The following CLUAP1 variants were observed in gnomAD, a reference collection of about 807,000 sequenced individuals.
The protein encoded by CLUAP1 is intraflagellar transport 38, also known as clusterin-associated protein 1.
CLUAP1 carries 50 observed loss-of-function variants against 55.0 expected under a neutral mutation model. The observed-to-expected ratio is 0.91, with a 90% CI of 0.72 to 1.15. CLUAP1 has a LOEUF of 1.15. Ranked by LOEUF, CLUAP1 falls within the 50% of genes most tolerant of loss-of-function variation. The pLI, the probability that CLUAP1 is intolerant of heterozygous loss-of-function variation, is 0.00. For synonymous variants in CLUAP1, 195 were observed against 175.4 expected, an observed-to-expected ratio of 1.11 and a Z score of -0.88; for missense variants, 530 against 507.6, an observed-to-expected ratio of 1.04 and a Z score of -0.42.
Position 3,504,741 on chromosome 16 carries a change from C to A in CLUAP1, c.44C>A (p.Ala15Asp), listed in dbSNP as rs1237244334. The change falls in exon 2 of 12, where the codon GCC (alanine) becomes GAC (aspartate). Residue 15 changes from alanine (A) to aspartate (D), a missense_variant. Coordinates refer to ENST00000576634, the MANE Select transcript of CLUAP1 (RefSeq NM_015041.3). ...ACAGATTTCACAGAGATGATGAGAG[C>A]CCTGGGATACCCTCGACATATTTCT... Reference protein sequence around the residue: ...DLRNFTEMMRALGYPRHISME... With the variant: ...DLRNFTEMMRDLGYPRHISME... The A allele has an allele frequency of 6.2e-7, 1 of 1,608,492 alleles. No individual in the cohort carries two copies. The highest frequency in any genetic ancestry group is 1.7e-5 in the Admixed American group (1 of 60,022).
chr16:3,517,438 C>G (rs1388031909), intron 6 of CLUAP1, among the ~76,000 whole-genome samples: 1 of 152,080 alleles, frequency 6.6e-6, no homozygotes, highest in Non-Finnish European at 1.5e-5. Flanking sequence ...TCCCAAATAG[C>G]TGGAAGTACA....
chr16:3,501,621 A>G (rs2037404375), intron 1 of CLUAP1, among the ~76,000 whole-genome samples: 1 of 152,118 alleles, frequency 6.6e-6, no homozygotes, highest in South Asian at 2.1e-4. Context: ...CGTCTCTACT[A>G]AAATTACAAA....
At chr16:3,503,596 C>G (rs1385071540) in intron 1 of CLUAP1, among the ~76,000 whole-genome samples, 1 of 148,996 alleles carries the variant, frequency 6.7e-6, no homozygotes, top group Admixed American at 6.7e-5. Flanking sequence ...CGCGCCTGGC[C>G]TTTTTTGTTT....
In CLUAP1 at chr16:3,538,581, T is replaced by C. The variant is rs2038281439; in HGVS notation, c.*2310T>C. Reference sequence around the variant, plus strand: ...ATGTGATGCTTTCTTCTAACACACTTTAACACAGAAGCCTAACCTAGCTAC... The same window carrying C: ...ATGTGATGCTTTCTTCTAACACACTCTAACACAGAAGCCTAACCTAGCTAC... On this transcript the variant is annotated 3_prime_UTR_variant, in exon 12 of 12. Transcript: ENST00000576634. The C allele has an allele frequency of 6.6e-6, 1 of 152,180 alleles. No homozygotes were observed. Among genetic ancestry groups the C allele is most frequent in the Non-Finnish European group, 1.5e-5 (1 of 68,032 alleles). 9.4% of individuals were successfully genotyped at this position (152,180 alleles called of 1,614,324 possible).
chr16:3,515,546 A>G lies in CLUAP1; in HGVS notation c.534A>G (p.Ile178Met), dbSNP rs772590035. The G allele has an allele frequency of 1.9e-6, 3 of 1,602,120 alleles. No homozygotes were observed. In the South Asian group the frequency reaches 3.4e-5, roughly 18 times the overall value. Residue 178 changes from isoleucine (I) to methionine (M), a missense_variant, in exon 6 of 12, where the codon ATA becomes ATG. Physicochemically the swap from Ile to Met is conservative, Grantham distance 10. Coordinates refer to ENST00000576634, the MANE Select transcript of CLUAP1 (RefSeq NM_015041.3). ...RTEAIARPLE[I>M]NETEKVMRIA... ...AAGCCATTGCCAGACCTCTGGAAAT[A>G]AACGAGACTGAAAAAGTGATGAGAA...
At chr16:3,506,483 GC>G in intron 3 of CLUAP1, 68 bp downstream of exon 3, 1 of 1,210,762 alleles carries the variant, frequency 8.3e-7, no homozygotes, top group Non-Finnish European at 1.2e-6. Flanking sequence ...CCTTGTTAGG[GC>G]GACTTTCAAA....
rs761193737 is a variant in CLUAP1, at chr16:3,536,190, G to A, written c.1161G>A (p.Glu387=). ...ACGAGGATGACGATTTGGAAGACGAGAGCATTTCTCTCTCACCAACCAAGC... is the reference window on the plus strand; with the variant it reads ...ACGAGGATGACGATTTGGAAGACGAAAGCATTTCTCTCTCACCAACCAAGC... The part of the protein sequence containing the change: ...DDDEDDDLED[E]SISLSPTKPN... The change falls in exon 12 of 12, where the codon GAG becomes GAA. Residue 387 remains glutamate (E), a synonymous_variant. Coordinates refer to ENST00000576634, the MANE Select transcript of CLUAP1 (RefSeq NM_015041.3). 1.2e-6 allele frequency: 2 copies of A among 1,614,172 alleles called. No homozygotes were observed. Among genetic ancestry groups the A allele is most frequent in the Admixed American group, 1.7e-5 (1 of 60,012 alleles).
At chr16:3,535,267 T>C (rs1197565825) in intron 11 of CLUAP1, 1 of 152,764 alleles carries the variant, frequency 6.5e-6, no homozygotes, top group African/African-American at 2.4e-5. Context: ...ACTGAAGCAG[T>C]CGTGAGGGGC....
At chr16:3,523,631 T>G (rs190020602) in intron 8 of CLUAP1, among the ~76,000 whole-genome samples, 1 of 152,308 alleles carries the variant, frequency 6.6e-6, no homozygotes, top group Admixed American at 6.5e-5. Flanking sequence ...GTCTTGAAAT[T>G]CATAATAATT....
chr16:3,505,019 C>T (rs1235267411), intron 2 of CLUAP1, among the ~76,000 whole-genome samples, 188 bp downstream of exon 2: 1 of 152,086 alleles, frequency 6.6e-6, no homozygotes, highest in East Asian at 1.9e-4. Flanking sequence ...CCCAGCACTT[C>T]ATAATCTCAG....
intron 7 of CLUAP1, among the ~76,000 whole-genome samples, chr16:3,521,320 T>C (rs1228610078): frequency 2.0e-5 from 3 of 152,188 alleles, no homozygotes; most frequent in Admixed American, 6.5e-5. Context: ...ATTATAATTA[T>C]TTCTGAGTTT....
intron 2 of CLUAP1, 107 bp from the exon 3 acceptor site, chr16:3,506,224 G>T: frequency 1.1e-6 from 1 of 870,174 alleles, no homozygotes; most frequent in Non-Finnish European, 1.9e-6. Context: ...TTGGGGACTT[G>T]GAGAGCGTTG....
chr16:3,529,901 ATG>A (rs1437281307), intron 9 of CLUAP1, among the ~76,000 whole-genome samples: 1 of 111,314 alleles, frequency 9.0e-6, no homozygotes, highest in Non-Finnish European at 1.7e-5. Context: ...ATAATTATAT[ATG>A]TTATATAGTT....
chr16:3,530,320 C>T, intron 9 of CLUAP1: 1 of 399,036 alleles, frequency 2.5e-6, no homozygotes, highest in South Asian at 2.6e-5. Flanking sequence ...CTGCTCACTT[C>T]TCAGGTCTGT....
chr16:3,504,968 C>G (rs781464468), intron 2 of CLUAP1, 137 bp downstream of exon 2: 3 of 646,840 alleles, frequency 4.6e-6, no homozygotes, highest in East Asian at 2.7e-5. Flanking sequence ...TATTCTGTTA[C>G]AAAGGAGTTG....
At chr16:3,514,664 C>G (rs749836067) in intron 5 of CLUAP1, among the ~76,000 whole-genome samples, 2 of 152,224 alleles carry the variant, frequency 1.3e-5, no homozygotes, top group Non-Finnish European at 2.9e-5. Context: ...GCACTAGCAG[C>G]TTCAGTGTCT....
chr16:3,495,498 C>T, the CLUAP1 span: 4 of 1,566,322 alleles, frequency 2.6e-6, no homozygotes, highest in South Asian at 2.3e-5. Context: ...CTAGGGGGTA[C>T]ATTGGCAGGT....
In CLUAP1 at chr16:3,538,085, C is replaced by T. The variant is rs2038271139; in HGVS notation, c.*1814C>T. ...ATTTTACAATTAAAAAGTCAGAAGA[C>T]TTCTGAAGTTACTTATCTTTTAATA... On this transcript the variant is annotated 3_prime_UTR_variant, in exon 12 of 12. Transcript: ENST00000576634. 1 of 149,974 alleles carries T rather than the reference C, an allele frequency of 6.7e-6. No individual in the cohort carries two copies. The highest frequency in any genetic ancestry group is 1.5e-5 in the Non-Finnish European group (1 of 67,626). The allele number at this position is 149,974 out of a possible 1,614,324, so 9.3% of individuals were successfully genotyped here. A position where few individuals can be genotyped will look rare whatever the true frequency, so the allele number is the denominator to read the frequency against.
chr16:3,517,148 G>A (rs143173823), intron 6 of CLUAP1, among the ~76,000 whole-genome samples: 1,875 of 147,164 alleles, frequency 0.013, 45 homozygotes, highest in African/African-American at 0.045. Context: ...TTTTTGAGAC[G>A]GAGTCTTGCT....
Sources: allele counts gnomAD v4.1 joint callset (sites outside exome capture counted in the v4.1 genomes callset), GRCh38; gene constraint gnomAD v4.1.1; transcripts MANE v1.5; gene names NCBI Gene and HGNC (gene_info 2026-07-23, HGNC 2026-07-21).